Variants in UNC13C observed in about 807,000 individuals in gnomAD.
UNC13C encodes the protein unc-13 homolog C, also known as protein unc-13 homolog C.
Under a neutral mutation model 245.4 loss-of-function variants are expected in UNC13C, and 174 were observed. That is an observed-to-expected ratio of 0.71 (90% CI 0.63 to 0.80). UNC13C has a LOEUF of 0.80. UNC13C is among the 30% of genes least tolerant of loss of function. The pLI is 0.00. For missense variants in UNC13C, 2,829 were observed against 2,602.9 expected (o/e 1.09, Z -1.89); for synonymous variants, 992 against 895.1 (o/e 1.11, Z -1.93).
intron 2 of UNC13C, among the ~76,000 whole-genome samples, chr15:54,077,586 C>T (rs549276381): frequency 1.3e-5 from 2 of 151,746 alleles, no homozygotes; most frequent in Non-Finnish European, 2.9e-5. Context: ...GCCCAGGCTG[C>T]TCTCAAACTC....
intron 25 of UNC13C, among the ~76,000 whole-genome samples, chr15:54,529,341 TA>T (rs1895629827): frequency 1.3e-5 from 2 of 152,186 alleles, no homozygotes; most frequent in Admixed American, 1.3e-4. Flanking sequence ...TAACATTTAT[TA>T]AAATTTTTCC....
intron 17 of UNC13C, among the ~76,000 whole-genome samples, chr15:54,390,309 A>G (rs975414000): frequency 7.2e-5 from 11 of 152,180 alleles, no homozygotes; most frequent in Non-Finnish European, 1.5e-4. Flanking sequence ...AGTGTAATAT[A>G]CATCCCATCA....
rs184191591 is a variant in UNC13C, at chr15:54,227,060, A to T, written c.3072-7970A>T. 1.6e-4 allele frequency among the ~76,000 whole-genome samples: 24 copies of T among 152,276 alleles called. No homozygotes were observed. In the East Asian group the frequency reaches 4.1e-3, roughly 26 times the overall value. ...GGTCCTGAGTCCTTATACTTTGTCC[A>T]GGAAGAATGAGGCACGCAAACAGCT... On this transcript the variant is annotated intron_variant, in intron 4 of 32. Coordinates refer to ENST00000260323, the MANE Select transcript of UNC13C (RefSeq NM_001080534.3).
At chr15:54,492,723 G>C (rs1039697249) in intron 19 of UNC13C, among the ~76,000 whole-genome samples, 6 of 152,170 alleles carry the variant, frequency 3.9e-5, no homozygotes, top group African/African-American at 1.4e-4. Context: ...AATTTGGCAA[G>C]TTAATTAGTT....
intron 17 of UNC13C, among the ~76,000 whole-genome samples, chr15:54,361,193 C>A (rs765991428): frequency 6.6e-6 from 1 of 151,884 alleles, no homozygotes; most frequent in Non-Finnish European, 1.5e-5. Context: ...TTTGTATATT[C>A]TCTCTTCAAG....
intron 15 of UNC13C, among the ~76,000 whole-genome samples, chr15:54,333,274 TA>T (rs986398359): frequency 1.2e-4 from 19 of 152,220 alleles, no homozygotes; most frequent in African/African-American, 4.3e-4. Context: ...AACCTTTTTT[TA>T]AAATCCATAG....
At chr15:54,614,999 G>A (rs901396611) in intron 30 of UNC13C, among the ~76,000 whole-genome samples, 1 of 151,946 alleles carries the variant, frequency 6.6e-6, no homozygotes, top group African/African-American at 2.4e-5. Flanking sequence ...TGTTTCAGAT[G>A]CCCTTTATTG....
At chr15:53,871,567 A>G in the UNC13C span, among the ~76,000 whole-genome samples, 1 of 152,140 alleles carries the variant, frequency 6.6e-6, no homozygotes. Flanking sequence ...GCTGTGTTCC[A>G]GTTGAGAGCA....
At chr15:54,151,208 A>G (rs895557009) in intron 4 of UNC13C, among the ~76,000 whole-genome samples, 2 of 152,174 alleles carry the variant, frequency 1.3e-5, no homozygotes, top group African/African-American at 2.4e-5. Flanking sequence ...TCACACATAT[A>G]TAAGAAACCT....
intron 7 of UNC13C, among the ~76,000 whole-genome samples, chr15:54,244,593 C>T (rs2035943922): frequency 6.6e-6 from 1 of 152,192 alleles, no homozygotes; most frequent in African/African-American, 2.4e-5. Context: ...TTGATTCTTC[C>T]TATCCATGAA....
intron 30 of UNC13C, among the ~76,000 whole-genome samples, chr15:54,592,314 A>G (rs190911655): frequency 7.9e-5 from 12 of 152,198 alleles, no homozygotes; most frequent in Middle Eastern, 3.4e-3. Flanking sequence ...TAAGTCCATT[A>G]GTTCCAAGGT....
rs768318519 is a variant in UNC13C at position 54,235,016 on chromosome 15, A to G, written c.3072-14A>G. On this transcript the variant is annotated splice_polypyrimidine_tract_variant and intron_variant, in intron 4 of 32. Coordinates refer to ENST00000260323, the MANE Select transcript of UNC13C (RefSeq NM_001080534.3). ...TTTACCCATTGCAATTATTGGTTTT[A>G]TTTTGTCTTTCAGGGCTGGAGGTGG... 5.6e-6 allele frequency: 9 copies of G among 1,613,008 alleles called. No homozygotes were observed. The highest frequency in any genetic ancestry group is 5.0e-5 in the Admixed American group (3 of 59,932).
At chr15:54,307,554 T>G (rs2037759146) in intron 13 of UNC13C, among the ~76,000 whole-genome samples, 1 of 151,814 alleles carries the variant, frequency 6.6e-6, no homozygotes, top group Non-Finnish European at 1.5e-5. Flanking sequence ...AGCTCCTGAT[T>G]TAGGGGGAAG....
At chr15:54,073,198 A>G (rs1408279199) in intron 2 of UNC13C, among the ~76,000 whole-genome samples, 1 of 152,156 alleles carries the variant, frequency 6.6e-6, no homozygotes, top group Non-Finnish European at 1.5e-5. Context: ...ATGTCCCTGT[A>G]AAGGACATGA....
intron 10 of UNC13C, among the ~76,000 whole-genome samples, chr15:54,278,553 G>A (rs1361971546): frequency 1.3e-5 from 2 of 152,044 alleles, no homozygotes; most frequent in Admixed American, 6.6e-5. Context: ...CAACTTTGTC[G>A]TTAAGCTGTA....
rs1260363978 is a variant in UNC13C, at chr15:54,500,204, A to G, written c.5157+29A>G. On this transcript the variant is annotated intron_variant, in intron 21 of 32. Coordinates refer to ENST00000260323, the MANE Select transcript of UNC13C (RefSeq NM_001080534.3). ...AGTTTAAATTACCTTAAGAAAGTTC[A>G]TTGCCATGATTCAGTCACATTGCTT... 6 of 1,502,050 alleles carry G rather than the reference A, an allele frequency of 4.0e-6. No homozygotes were observed. The African/African-American group carries it at 4.1e-5, about 10-fold the overall frequency. The allele number at this position is 1,502,050 out of a possible 1,614,324, so 93.0% of individuals were successfully genotyped here. A position where few individuals can be genotyped will look rare whatever the true frequency, so the allele number is the denominator to read the frequency against.
chr15:53,953,089 G>T, the UNC13C span, among the ~76,000 whole-genome samples: 1 of 152,134 alleles, frequency 6.6e-6, no homozygotes, highest in Non-Finnish European at 1.5e-5. Flanking sequence ...GCTTTCAGGG[G>T]GTAATTTAGG....
At chr15:54,613,450 C>A (rs1900234074) in intron 30 of UNC13C, among the ~76,000 whole-genome samples, 2 of 151,822 alleles carry the variant, frequency 1.3e-5, no homozygotes, top group South Asian at 4.1e-4. Context: ...AATTACAATG[C>A]TGTCTATTTA....
chr15:53,908,711 C>G, the UNC13C span, among the ~76,000 whole-genome samples: 1 of 121,742 alleles, frequency 8.2e-6, no homozygotes, highest in African/African-American at 3.2e-5. Context: ...GAGATTGCAC[C>G]ACTGCACTCC....
Sources: allele counts gnomAD v4.1 joint callset (sites outside exome capture counted in the v4.1 genomes callset), GRCh38; gene constraint gnomAD v4.1.1; transcripts MANE v1.5; gene names NCBI Gene and HGNC (gene_info 2026-07-23, HGNC 2026-07-21).